The following NGFR variants were observed in gnomAD, a reference collection of about 807,000 sequenced individuals.
NGFR encodes nerve growth factor receptor.
NGFR carries 30 observed loss-of-function variants against 43.2 expected under a neutral mutation model. That is an observed-to-expected ratio of 0.69 (90% CI 0.52 to 0.94). The LOEUF is 0.94. NGFR is among the 40% of genes least tolerant of loss of function. The probability of loss-of-function intolerance (pLI) is 0.00; values close to 1 mark genes in which losing one functional copy is unlikely to be tolerated. For synonymous variants in NGFR, 246 were observed against 259.6 expected (o/e 0.95, Z 0.50); for missense variants, 529 against 602.5 (o/e 0.88, Z 1.28).
intron 1 of NGFR, among the ~76,000 whole-genome samples, chr17:49,500,828 C>T (rs2071163241): frequency 6.6e-6 from 1 of 152,026 alleles, no homozygotes; most frequent in South Asian, 2.1e-4. Flanking sequence ...CTGTCTATCC[C>T]CCTGACTCCT....
chr17:49,507,577 A>G (rs2071207726), intron 3 of NGFR, among the ~76,000 whole-genome samples: 1 of 152,178 alleles, frequency 6.6e-6, no homozygotes, highest in African/African-American at 2.4e-5. Flanking sequence ...GAGCCAGGGC[A>G]GAGCTGTTTT....
rs2071257636 is a variant in NGFR, at chr17:49,514,553, A to G, written c.*1544A>G. 6.6e-6 allele frequency: 1 copy of G among 152,200 alleles called. No individual in the cohort carries two copies. Among genetic ancestry groups the G allele is most frequent in the Admixed American group, 6.5e-5 (1 of 15,278 alleles). 9.4% of individuals were successfully genotyped at this position (152,200 alleles called of 1,614,324 possible). ...GTGTGGCTCCCCTCTATTTAGCATG[A>G]CAAGCCCCAGGCAGGCTGTGCGCTG... On this transcript the variant is annotated 3_prime_UTR_variant, in exon 6 of 6. Coordinates refer to ENST00000172229, the MANE Select transcript of NGFR (RefSeq NM_002507.4).
At chr17:49,511,782 T>C (rs902096272) in intron 4 of NGFR, 110 bp from the exon 5 acceptor site, 11 of 1,300,992 alleles carry the variant, frequency 8.5e-6, no homozygotes, top group South Asian at 1.7e-5. Context: ...GCGGTTATAA[T>C]TGGGCACCCG....
chr17:49,502,006 CCCAACCCA>C, intron 1 of NGFR, 49 bp from the exon 2 acceptor site: 10 of 581,192 alleles, frequency 1.7e-5, no homozygotes, highest in Non-Finnish European at 2.4e-5. Flanking sequence ...AAGAACCCCC[CCCAACCCA>C]CCCCAGCTTT....
intron 4 of NGFR, 114 bp downstream of exon 4, chr17:49,510,778 C>A: frequency 7.7e-7 from 1 of 1,304,082 alleles, no homozygotes; most frequent in Non-Finnish European, 1.1e-6. Context: ...CCAAACCAAG[C>A]TCATCCTCAC....
chr17:49,508,185 G>T (rs1393631642), intron 3 of NGFR, among the ~76,000 whole-genome samples: 1 of 152,250 alleles, frequency 6.6e-6, no homozygotes, highest in Non-Finnish European at 1.5e-5. Context: ...GCGCAGGAAG[G>T]GTTTCAGCAG....
chr17:49,505,345 G>A (rs972321870), intron 2 of NGFR, among the ~76,000 whole-genome samples: 5 of 152,164 alleles, frequency 3.3e-5, no homozygotes, highest in African/African-American at 4.8e-5. Flanking sequence ...GATAGGTCCT[G>A]CCAGATCCAG....
intron 2 of NGFR, among the ~76,000 whole-genome samples, chr17:49,502,862 TCCTTCCTTTC>T (rs1225367925): frequency 7.0e-6 from 1 of 143,198 alleles, no homozygotes; most frequent in Non-Finnish European, 1.6e-5. Flanking sequence ...CTTCCTTCCT[TCCTTCCTTTC>T]TCTCTCTCTC....
intron 3 of NGFR, 22 bp from the exon 4 acceptor site, chr17:49,510,390 C>T (rs771114723): frequency 1.9e-6 from 3 of 1,610,788 alleles, no homozygotes; most frequent in East Asian, 2.2e-5. Flanking sequence ...TGGGTCCTCA[C>T]TCCTGTGGCC....
chr17:49,505,897 T>G, intron 2 of NGFR: 2 of 183,316 alleles, frequency 1.1e-5, no homozygotes, highest in Non-Finnish European at 2.2e-5. Context: ...CTGGACCGGG[T>G]TAGCAGCCCA....
intron 3 of NGFR, among the ~76,000 whole-genome samples, chr17:49,510,033 T>C (rs2071221481): frequency 1.3e-5 from 2 of 152,112 alleles, no homozygotes; most frequent in Admixed American, 1.3e-4. Flanking sequence ...TGTTTGCTCC[T>C]AGATAGGCCT....
intron 1 of NGFR, among the ~76,000 whole-genome samples, chr17:49,501,720 ATCCCTG>A (rs1368173798): frequency 6.6e-6 from 1 of 152,212 alleles, no homozygotes; most frequent in Non-Finnish European, 1.5e-5. Flanking sequence ...CATTCATGAC[ATCCCTG>A]TTGGTAGGCC....
chr17:49,502,761 G>C (rs1284694949), intron 2 of NGFR, among the ~76,000 whole-genome samples: 2 of 151,946 alleles, frequency 1.3e-5, no homozygotes, highest in African/African-American at 4.8e-5. Flanking sequence ...TCCTTACTGT[G>C]GGGTGACAGA....
At chr17:49,502,675 A>ACTCTTCTCCAGCTTTGACCAT (rs1290945945) in intron 2 of NGFR, among the ~76,000 whole-genome samples, 1 of 151,772 alleles carries the variant, frequency 6.6e-6, no homozygotes, top group Non-Finnish European at 1.5e-5. Context: ...CTACAGGCCA[A>ACTCTTCTCCAGCTTTGACCAT]CTCTTCTCCA....
At position 49,502,359 on chromosome 17, in the gene NGFR, C is replaced by T. The variant is rs146621682; in HGVS notation, c.208+155C>T. On this transcript the variant is annotated intron_variant, in intron 2 of 5. Transcript: ENST00000172229. ...AGTGGGTCTGACCCAGTGTAGGAGG[C>T]GCTTCTCCCAGATTCGAGAAGCTGA... is the stretch of plus-strand genomic sequence containing the variant. 9.0e-4 allele frequency among the ~76,000 whole-genome samples: 137 copies of T among 152,118 alleles called. No homozygotes were observed. The East Asian group carries it at 0.015, about 17-fold the overall frequency.
At chr17:49,501,999 A>AGGGCGGGCCCCCCCCC in intron 1 of NGFR, 64 bp from the exon 2 acceptor site, 1 of 330,984 alleles carries the variant, frequency 3.0e-6, no homozygotes. Context: ...TCCCCGGAAG[A>AGGGCGGGCCCCCCCCC]ACCCCCCCCA....
chr17:49,506,701 T>TGG, intron 3 of NGFR, 43 bp downstream of exon 3: 4 of 148,986 alleles, frequency 2.7e-5, no homozygotes, highest in Non-Finnish European at 4.2e-5. Context: ...GGTGCGGGGG[T>TGG]GGGCTGGGGG....
intron 3 of NGFR, among the ~76,000 whole-genome samples, chr17:49,509,642 G>A (rs2071219438): frequency 6.6e-6 from 1 of 152,218 alleles, no homozygotes; most frequent in African/African-American, 2.4e-5. Flanking sequence ...CTTCTCCACT[G>A]GCTCTCTGCT....
Position 49,513,320 on chromosome 17 carries a change from C to G in NGFR, c.*311C>G, listed in dbSNP as rs1304736201. ...CCCACACTGCTAGGTGGGCCAGCCC[C>G]TCCCACCACAGCAGGTGTCATATAT... is the stretch of plus-strand genomic sequence containing the variant. On this transcript the variant is annotated 3_prime_UTR_variant, in exon 6 of 6. Coordinates refer to ENST00000172229, the MANE Select transcript of NGFR (RefSeq NM_002507.4). 1 of 407,048 alleles carries G rather than the reference C, an allele frequency of 2.5e-6. No individual in the cohort carries two copies. Among genetic ancestry groups the G allele is most frequent in the Non-Finnish European group, 4.4e-6 (1 of 225,892 alleles). The allele number at this position is 407,048 out of a possible 1,614,324, so 25.2% of individuals were successfully genotyped here.
Sources: gnomAD v4.1 joint callset for allele counts (sites outside exome capture counted in the v4.1 genomes callset) on GRCh38, gnomAD v4.1.1 for gene constraint, MANE v1.5 for transcripts, NCBI Gene and HGNC (gene_info 2026-07-23, HGNC 2026-07-21) for gene names.